Variants in CFAP58 observed in about 807,000 individuals in gnomAD.
CFAP58 encodes the protein cilia- and flagella-associated protein 58.
A neutral mutation model predicts 119.5 loss-of-function variants in CFAP58; 88 were observed. The ratio of observed to expected loss-of-function variants is 0.74; its 90% CI spans 0.62 to 0.88. The LOEUF is 0.88. Ranked by LOEUF, CFAP58 falls within the 40% of genes least tolerant of loss-of-function variation. CFAP58 has a pLI of 0.00. For missense variants in CFAP58, 990 were observed against 1,021.2 expected (o/e 0.97, Z 0.42); for synonymous variants, 365 against 366.3 (o/e 1.00, Z 0.04).
chr10:104,345,185 A>G, the CFAP58 span, among the ~76,000 whole-genome samples: 1 of 152,038 alleles, frequency 6.6e-6, no homozygotes, highest in Non-Finnish European at 1.5e-5. Flanking sequence ...CCTTTAATAT[A>G]GCAGATTTCA....
chr10:104,429,105 G>T (rs1476296268), intron 15 of CFAP58, among the ~76,000 whole-genome samples: 1 of 152,188 alleles, frequency 6.6e-6, no homozygotes, highest in Non-Finnish European at 1.5e-5. Flanking sequence ...TGTGGCCAGG[G>T]AGCTGAGTGA....
intron 4 of CFAP58, among the ~76,000 whole-genome samples, chr10:104,365,376 AT>A (rs2014727862): frequency 6.6e-6 from 1 of 152,234 alleles, no homozygotes; most frequent in Non-Finnish European, 1.5e-5. Flanking sequence ...AAGGCTTTTC[AT>A]AGCATTTGGA....
chr10:104,400,949 G>C, intron 13 of CFAP58, 46 bp downstream of exon 13: 1 of 1,416,204 alleles, frequency 7.1e-7, no homozygotes, highest in Non-Finnish European at 9.9e-7. Context: ...TGCAACGTGG[G>C]GAGCTCCTAA....
At chr10:104,351,794 A>G (rs1026986505), upstream of CFAP58, 2 of 152,198 alleles carry the variant, frequency 1.3e-5, no homozygotes, top group East Asian at 1.9e-4. Flanking sequence ...CCAAAAAACT[A>G]TATAAAAAAT....
At chr10:104,428,954 G>C (rs1364249451) in intron 15 of CFAP58, among the ~76,000 whole-genome samples, 1 of 152,238 alleles carries the variant, frequency 6.6e-6, no homozygotes, top group Non-Finnish European at 1.5e-5. Context: ...AGGAGACACT[G>C]TCCAGGTGTT....
intron 17 of CFAP58, among the ~76,000 whole-genome samples, chr10:104,453,668 T>A (rs1349986482): frequency 6.6e-6 from 1 of 152,178 alleles, no homozygotes; most frequent in East Asian, 1.9e-4. Context: ...ATTTTTATTG[T>A]TTAACAGGGT....
rs754222797 is a variant in CFAP58 at position 104,380,118 on chromosome 10, C to A, written c.1263C>A (p.Ile421=). The change falls in exon 9 of 18, where the codon ATC becomes ATA. Residue 421 remains isoleucine (I), a synonymous_variant. Transcript: ENST00000369704. ...CCAAGAGGAACCTGGAGGGAGAAAT[C>A]CAGAACTACAAGGATGAGGCTCAGA... ...EQAKRNLEGE[I]QNYKDEAQKQ... 165 of 1,613,934 alleles carry A rather than the reference C, an allele frequency of 1.0e-4. 1 individual carries two copies. The Admixed American group carries it at 2.7e-3, about 27-fold the overall frequency.
intron 15 of CFAP58, among the ~76,000 whole-genome samples, chr10:104,408,604 G>T (rs746017041): frequency 6.6e-6 from 1 of 152,112 alleles, no homozygotes; most frequent in Non-Finnish European, 1.5e-5. Context: ...GTTTTAAAAA[G>T]AACCAAATCT....
At position 104,400,834 on chromosome 10, in the gene CFAP58, T is replaced by C. The variant is rs750436140; in HGVS notation, c.1970T>C (p.Leu657Pro). Residue 657 changes from leucine to proline, a missense_variant, in exon 13 of 18, where the codon CTT (leucine) becomes CCT (proline). Leu to Pro is a moderately conservative substitution (Grantham distance 98). Transcript: ENST00000369704. ...QRLEDMRILR[L>P]EIKKLRREKG... is the part of the protein sequence containing the mutation. ...TTGGAGGACATGAGAATCCTCAGAC[T>C]TGAGATCAAGAAGCTTCGCCGGGAA... 14 of 1,614,154 alleles carry C rather than the reference T, an allele frequency of 8.7e-6. No individual in the cohort carries two copies. Among genetic ancestry groups the C allele is most frequent in the Non-Finnish European group, 1.2e-5 (14 of 1,180,018 alleles).
At chr10:104,413,547 T>C (rs1020858926) in intron 15 of CFAP58, among the ~76,000 whole-genome samples, 6 of 152,308 alleles carry the variant, frequency 3.9e-5, no homozygotes, top group Non-Finnish European at 2.9e-5. Flanking sequence ...ACCTGAAGTG[T>C]ACCTCCTGGT....
intron 12 of CFAP58, among the ~76,000 whole-genome samples, chr10:104,399,980 G>A (rs919704784): frequency 6.6e-6 from 1 of 152,094 alleles, no homozygotes; most frequent in African/African-American, 2.4e-5. Flanking sequence ...ACTGCTCTGA[G>A]GGACCTGGCA....
chr10:104,414,340 G>C (rs967764937), intron 15 of CFAP58, among the ~76,000 whole-genome samples: 11 of 152,184 alleles, frequency 7.2e-5, no homozygotes, highest in African/African-American at 2.2e-4. Context: ...TCAAGGCTTG[G>C]GGGAGAAGGA....
chr10:104,408,394 G>T (rs2012400597), intron 15 of CFAP58, among the ~76,000 whole-genome samples: 1 of 152,144 alleles, frequency 6.6e-6, no homozygotes, highest in African/African-American at 2.4e-5. Flanking sequence ...ACATAGTTTG[G>T]ATGTCTTGTA....
chr10:104,368,340 A>C, intron 5 of CFAP58, 83 bp from the exon 6 acceptor site: 1 of 1,312,538 alleles, frequency 7.6e-7, no homozygotes, highest in Non-Finnish European at 1.1e-6. Flanking sequence ...TCTTCCCAGG[A>C]GGTTTGTGGG....
At chr10:104,353,695 A>G (rs1158496418), upstream of CFAP58, 2 of 549,352 alleles carry the variant, frequency 3.6e-6, no homozygotes, top group Non-Finnish European at 6.6e-6. Flanking sequence ...CAGCCGCAGA[A>G]GCTCCTCCCC....
At chr10:104,450,716 A>ATTTT (rs3069012) in intron 17 of CFAP58, among the ~76,000 whole-genome samples, 14 of 118,780 alleles carry the variant, frequency 1.2e-4, no homozygotes, top group African/African-American at 4.1e-4. Context: ...TTTATTTTTG[A>ATTTT]TTTTTTTTTG....
chr10:104,374,236 G>A (rs1333385157), intron 7 of CFAP58, among the ~76,000 whole-genome samples: 5 of 151,680 alleles, frequency 3.3e-5, no homozygotes, highest in Non-Finnish European at 4.4e-5. Flanking sequence ...TTGGCGGGTG[G>A]ATTGCTTGAG....
chr10:104,414,261 A>T (rs774242058), intron 15 of CFAP58, among the ~76,000 whole-genome samples: 1 of 152,204 alleles, frequency 6.6e-6, no homozygotes, highest in Non-Finnish European at 1.5e-5. Context: ...AACACACTGT[A>T]TGGGACTCCC....
intron 11 of CFAP58, among the ~76,000 whole-genome samples, chr10:104,394,813 C>T: frequency 6.6e-6 from 1 of 152,300 alleles, no homozygotes; most frequent in Non-Finnish European, 1.5e-5. Context: ...CTTGTACTCC[C>T]TGTTTGAAAC....
Sources: gnomAD v4.1 joint callset for allele counts (sites outside exome capture counted in the v4.1 genomes callset) on GRCh38, gnomAD v4.1.1 for gene constraint, MANE v1.5 for transcripts, NCBI Gene and HGNC (gene_info 2026-07-23, HGNC 2026-07-21) for gene names.